The following SPIN1 variants were observed in gnomAD, a reference collection of about 807,000 sequenced individuals.
SPIN1 encodes spindlin 1, also known as spindlin-1.
In SPIN1, 3 loss-of-function variants were observed where a neutral mutation model predicts 26.0. The ratio of observed to expected loss-of-function variants is 0.12; its 90% CI spans 0.05 to 0.30. The LOEUF is 0.30. Among genes scored for constraint, SPIN1 ranks in the 10% least tolerant of loss-of-function variants. The pLI, the probability that SPIN1 is intolerant of heterozygous loss-of-function variation, is 1.00. For synonymous variants in SPIN1, 101 were observed against 116.5 expected, an observed-to-expected ratio of 0.87 and a Z score of 0.86; for missense variants, 126 against 333.4, an observed-to-expected ratio of 0.38 and a Z score of 4.84.
At chr9:88,395,900 A>G (rs911208436) in intron 1 of SPIN1, among the ~76,000 whole-genome samples, 3 of 151,950 alleles carry the variant, frequency 2.0e-5, no homozygotes, top group Admixed American at 6.6e-5. Context: ...TACAAAAATT[A>G]GCCTGGCGTG....
intron 1 of SPIN1, among the ~76,000 whole-genome samples, chr9:88,423,810 G>A (rs1827716565): frequency 6.6e-6 from 1 of 151,296 alleles, no homozygotes; most frequent in African/African-American, 2.4e-5. Flanking sequence ...CTGTCATCCA[G>A]GCTGGAGTGC....
intron 3 of SPIN1, among the ~76,000 whole-genome samples, chr9:88,459,308 A>G (rs1828531663): frequency 6.6e-6 from 1 of 152,236 alleles, no homozygotes; most frequent in African/African-American, 2.4e-5. Context: ...TAAAGTGGAA[A>G]TGTAATCTCC....
intron 1 of SPIN1, among the ~76,000 whole-genome samples, chr9:88,424,937 T>A (rs1404679719): frequency 6.6e-6 from 1 of 152,136 alleles, no homozygotes; most frequent in African/African-American, 2.4e-5. Context: ...GACGGAAGAT[T>A]CACAGGTAGA....
At chr9:88,444,024 C>A (rs1184835604) in intron 2 of SPIN1, among the ~76,000 whole-genome samples, 1 of 151,862 alleles carries the variant, frequency 6.6e-6, no homozygotes. Context: ...AGTTGTGATT[C>A]TTTATCTCCG....
At chr9:88,429,087 CAA>C (rs1195617312) in intron 2 of SPIN1, among the ~76,000 whole-genome samples, 1 of 152,078 alleles carries the variant, frequency 6.6e-6, no homozygotes, top group East Asian at 1.9e-4. Flanking sequence ...GGCTGGTCTT[CAA>C]CTCCTGAGCT....
intron 1 of SPIN1, among the ~76,000 whole-genome samples, chr9:88,423,646 C>T (rs1166237107): frequency 6.6e-6 from 1 of 151,548 alleles, no homozygotes; most frequent in African/African-American, 2.4e-5. Flanking sequence ...GAACTCCTGG[C>T]CTCAGGTGAT....
At chr9:88,466,639 A>C (rs1198411821) in intron 4 of SPIN1, among the ~76,000 whole-genome samples, 2 of 152,240 alleles carry the variant, frequency 1.3e-5, no homozygotes, top group African/African-American at 2.4e-5. Context: ...AAATAGCAAT[A>C]CATGTATCAA....
chr9:88,454,722 T>C (rs949074076), intron 3 of SPIN1, among the ~76,000 whole-genome samples: 18 of 152,194 alleles, frequency 1.2e-4, no homozygotes, highest in African/African-American at 4.1e-4. Context: ...TAGGTACTAG[T>C]TGGAAGAACT....
chr9:88,450,683 A>G (rs967013091), intron 3 of SPIN1, among the ~76,000 whole-genome samples: 2 of 152,216 alleles, frequency 1.3e-5, no homozygotes, highest in African/African-American at 4.8e-5. Context: ...ACAAGCATAC[A>G]TAGTTGTCTT....
chr9:88,445,962 T>C (rs2076442183), intron 2 of SPIN1, among the ~76,000 whole-genome samples: 1 of 152,068 alleles, frequency 6.6e-6, no homozygotes, highest in African/African-American at 2.4e-5. Context: ...GTTGTTCGGG[T>C]CTTCTGTATT....
intron 4 of SPIN1, among the ~76,000 whole-genome samples, chr9:88,464,953 C>CT (rs1450238795): frequency 6.6e-6 from 1 of 152,212 alleles, no homozygotes; most frequent in East Asian, 1.9e-4. Flanking sequence ...ATTCTACACT[C>CT]TGTCTCTATG....
At chr9:88,407,877 C>G (rs1047485170) in intron 1 of SPIN1, among the ~76,000 whole-genome samples, 4 of 151,650 alleles carry the variant, frequency 2.6e-5, no homozygotes, top group African/African-American at 9.7e-5. Context: ...CCTCCTACCT[C>G]AGCCTCTTGA....
At chr9:88,401,349 A>G (rs1827182827) in intron 1 of SPIN1, among the ~76,000 whole-genome samples, 1 of 151,984 alleles carries the variant, frequency 6.6e-6, no homozygotes, top group Admixed American at 6.6e-5. Context: ...GTTAATAATA[A>G]GAGGTTGATA....
chr9:88,451,993 C>T (rs1828363228), intron 3 of SPIN1, among the ~76,000 whole-genome samples: 1 of 152,186 alleles, frequency 6.6e-6, no homozygotes, highest in African/African-American at 2.4e-5. Flanking sequence ...GAATAGATTT[C>T]CATTCCATGC....
chr9:88,464,032 A>G (rs1191878148), intron 4 of SPIN1, among the ~76,000 whole-genome samples: 1 of 152,190 alleles, frequency 6.6e-6, no homozygotes. Context: ...TCCTTTTGTC[A>G]TCGAAGGATA....
chr9:88,476,113 C>CT lies in SPIN1; in HGVS notation c.*842dup, dbSNP rs1170058916. The CT allele has an allele frequency of 8.0e-5, 12 of 150,880 alleles. No homozygotes were observed. The highest frequency in any genetic ancestry group is 2.4e-4 in the African/African-American group (10 of 40,996). 9.3% of individuals were successfully genotyped at this position (150,880 alleles called of 1,614,324 possible). On this transcript the variant is annotated 3_prime_UTR_variant, in exon 6 of 6. Coordinates refer to ENST00000375859, the MANE Select transcript of SPIN1 (RefSeq NM_006717.3). ...GGGGGTTACATTTTAATCATAAATT[C>CT]TTTTTTGCAAAGCCCAGGTTCTTGT... is the stretch of plus-strand genomic sequence containing the variant.
intron 5 of SPIN1, among the ~76,000 whole-genome samples, chr9:88,474,144 C>T (rs1564047951): frequency 6.6e-6 from 1 of 152,208 alleles, no homozygotes; most frequent in Non-Finnish European, 1.5e-5. Flanking sequence ...GCCAGGATAA[C>T]ATGGACTGTC....
At chr9:88,424,410 C>T (rs1332407718) in intron 1 of SPIN1, among the ~76,000 whole-genome samples, 3 of 151,860 alleles carry the variant, frequency 2.0e-5, no homozygotes, top group Non-Finnish European at 4.4e-5. Flanking sequence ...GTTGTAAGCA[C>T]TCTAGGAAGG....
At chr9:88,419,806 C>T (rs899470907) in intron 1 of SPIN1, among the ~76,000 whole-genome samples, 2 of 152,158 alleles carry the variant, frequency 1.3e-5, no homozygotes, top group Non-Finnish European at 2.9e-5. Flanking sequence ...CCATGATAGA[C>T]CAGACTAAAA....
Sources: allele counts gnomAD v4.1 joint callset (sites outside exome capture counted in the v4.1 genomes callset), GRCh38; gene constraint gnomAD v4.1.1; transcripts MANE v1.5; gene names NCBI Gene and HGNC (gene_info 2026-07-23, HGNC 2026-07-21).